The following DOCK3 variants were observed in gnomAD, a reference collection of about 807,000 sequenced individuals.
DOCK3 encodes the protein dedicator of cytokinesis 3.
In DOCK3, 60 loss-of-function variants were observed where a neutral mutation model predicts 265.6. The ratio of observed to expected loss-of-function variants is 0.23; its 90% CI spans 0.18 to 0.28. DOCK3 has a LOEUF of 0.28. Ranked by LOEUF, DOCK3 falls within the 10% of genes least tolerant of loss-of-function variation. The pLI, the probability that DOCK3 is intolerant of heterozygous loss-of-function variation, is 1.00. For synonymous variants in DOCK3, 881 were observed against 938.0 expected (o/e 0.94, Z 1.11); for missense variants, 1,981 against 2,594.3 (o/e 0.76, Z 5.14).
intron 1 of DOCK3, among the ~76,000 whole-genome samples, chr3:50,771,453 C>T (rs1219178855): frequency 3.9e-5 from 6 of 152,112 alleles, no homozygotes; most frequent in South Asian, 2.1e-4. Flanking sequence ...ATAACAAGTG[C>T]TGGTGAGGAT....
chr3:50,974,686 G>A (rs1400582445), intron 5 of DOCK3, among the ~76,000 whole-genome samples: 1 of 77,866 alleles, frequency 1.3e-5, no homozygotes, highest in African/African-American at 4.0e-5. Flanking sequence ...GAAAGGCATC[G>A]GTAGCTTGAT....
At chr3:51,295,437 C>T (rs2082028180) in intron 27 of DOCK3, among the ~76,000 whole-genome samples, 1 of 152,166 alleles carries the variant, frequency 6.6e-6, no homozygotes, top group African/African-American at 2.4e-5. Flanking sequence ...ACCCCTATGG[C>T]CCAAACACCT....
chr3:50,879,817 A>G (rs1451147784), intron 3 of DOCK3, among the ~76,000 whole-genome samples: 1 of 152,234 alleles, frequency 6.6e-6, no homozygotes, highest in African/African-American at 2.4e-5. Flanking sequence ...CACCAAATCA[A>G]CAGAATATAC....
chr3:51,120,458 A>G (rs559002591), intron 9 of DOCK3, among the ~76,000 whole-genome samples: 1 of 152,258 alleles, frequency 6.6e-6, no homozygotes, highest in South Asian at 2.1e-4. Context: ...GACCCACTTG[A>G]GGAGGCTGTC....
chr3:50,739,740 C>G (rs975353770), intron 1 of DOCK3, among the ~76,000 whole-genome samples: 1 of 151,820 alleles, frequency 6.6e-6, no homozygotes, highest in Non-Finnish European at 1.5e-5. Context: ...CTGTTTTTTT[C>G]TTCTTACTAG....
intron 9 of DOCK3, among the ~76,000 whole-genome samples, chr3:51,110,977 C>T (rs975191872): frequency 9.9e-5 from 15 of 152,170 alleles, no homozygotes; most frequent in Non-Finnish European, 2.2e-4. Flanking sequence ...ACAACTTCAG[C>T]AAAGTTTCAG....
intron 5 of DOCK3, among the ~76,000 whole-genome samples, chr3:51,006,246 A>C (rs1429626745): frequency 1.5e-5 from 1 of 68,868 alleles, no homozygotes. Context: ...TTATTTCCCA[A>C]TCCTGCTTTT....
At chr3:51,362,022 G>A (rs1397388237) in intron 48 of DOCK3, 25 bp downstream of exon 48, 23 of 1,589,898 alleles carry the variant, frequency 1.4e-5, no homozygotes, top group Non-Finnish European at 1.8e-5. Flanking sequence ...ACGGAGAGTG[G>A]GCCAGGGCAC....
At chr3:51,077,962 C>T (rs182700343) in intron 7 of DOCK3, among the ~76,000 whole-genome samples, 1 of 152,296 alleles carries the variant, frequency 6.6e-6, no homozygotes, top group Admixed American at 6.5e-5. Flanking sequence ...ATAGACAAAG[C>T]TCTCACATAA....
At chr3:51,038,941 T>C (rs888496453) in intron 5 of DOCK3, among the ~76,000 whole-genome samples, 5 of 152,014 alleles carry the variant, frequency 3.3e-5, no homozygotes, top group Admixed American at 6.6e-5. Flanking sequence ...ATAAAAGTTA[T>C]TGAAACATAT....
At chr3:51,368,130 C>T (rs1211714456) in intron 49 of DOCK3, among the ~76,000 whole-genome samples, 1 of 152,062 alleles carries the variant, frequency 6.6e-6, no homozygotes, top group Non-Finnish European at 1.5e-5. Flanking sequence ...AGGAACACAA[C>T]GAGTCTGCAG....
intron 32 of DOCK3, among the ~76,000 whole-genome samples, chr3:51,318,235 C>T (rs1354966148): frequency 6.6e-6 from 1 of 152,018 alleles, no homozygotes; most frequent in Admixed American, 6.6e-5. Flanking sequence ...AAAAATTAAC[C>T]GGGCGTGGTG....
chr3:51,239,681 G>A (rs187371721), intron 21 of DOCK3, among the ~76,000 whole-genome samples: 5 of 150,458 alleles, frequency 3.3e-5, no homozygotes, highest in African/African-American at 9.8e-5. Flanking sequence ...GTTCACTCTT[G>A]GGAGAGTGTT....
In DOCK3 at chr3:51,249,616, C is replaced by T. The variant is rs1271259921; in HGVS notation, c.2184+2809C>T. On this transcript the variant is annotated intron_variant, in intron 22 of 52. Coordinates refer to ENST00000266037, the MANE Select transcript of DOCK3 (RefSeq NM_004947.5). ...GAGGGAGGTGGGGGGGTCAGCCCCC[C>T]GCCCGGCCAGCCGTCCCGTCCGGGA... 7.8e-5 allele frequency among the ~76,000 whole-genome samples: 9 copies of T among 115,172 alleles called. No individual in the cohort carries two copies. The South Asian group carries it at 9.1e-4, about 12-fold the overall frequency. 75.6% of individuals were successfully genotyped at this position (115,172 alleles called of 152,430 possible).
At chr3:51,184,586 A>T (rs1476229539) in intron 12 of DOCK3, among the ~76,000 whole-genome samples, 1 of 152,090 alleles carries the variant, frequency 6.6e-6, no homozygotes, top group Non-Finnish European at 1.5e-5. Context: ...CCCAAAGTAT[A>T]AGATAAATAT....
chr3:51,278,600 A>C, intron 26 of DOCK3: 1 of 911,416 alleles, frequency 1.1e-6, no homozygotes, highest in Non-Finnish European at 1.3e-6. Flanking sequence ...AGGCACTCTC[A>C]CTGTAAGTAA....
chr3:50,829,065 G>GGATT, intron 2 of DOCK3, among the ~76,000 whole-genome samples: 1 of 151,784 alleles, frequency 6.6e-6, no homozygotes, highest in Admixed American at 6.6e-5. Flanking sequence ...GTTCTATCTG[G>GGATT]GATTTATTTA....
chr3:50,766,338 G>A (rs2040874332), intron 1 of DOCK3, among the ~76,000 whole-genome samples: 1 of 133,106 alleles, frequency 7.5e-6, no homozygotes, highest in Non-Finnish European at 1.5e-5. Context: ...TGTTCTCATT[G>A]TTCAATACCC....
intron 5 of DOCK3, among the ~76,000 whole-genome samples, chr3:50,984,711 A>G (rs371702839): frequency 4.3e-4 from 66 of 152,328 alleles, no homozygotes; most frequent in East Asian, 3.9e-3. Flanking sequence ...GCACATATCT[A>G]TATGTATAGT....
Sources: allele counts gnomAD v4.1 joint callset (sites outside exome capture counted in the v4.1 genomes callset), GRCh38; gene constraint gnomAD v4.1.1; transcripts MANE v1.5; gene names NCBI Gene and HGNC (gene_info 2026-07-23, HGNC 2026-07-21).